LYST: variants seen among roughly 807,000 people sequenced by gnomAD.
LYST encodes lysosomal-trafficking regulator.
A neutral mutation model predicts 413.6 loss-of-function variants in LYST; 192 were observed. That is an observed-to-expected ratio of 0.46 (90% CI 0.41 to 0.52). LYST has a LOEUF of 0.52. LYST is among the 20% of genes least tolerant of loss of function. LYST has a pLI of 0.00. For synonymous variants in LYST, 1,525 were observed against 1,567.3 expected, an observed-to-expected ratio of 0.97 and a Z score of 0.64; for missense variants, 3,815 against 4,499.9, an observed-to-expected ratio of 0.85 and a Z score of 4.35.
At chr1:235,849,109 A>G in intron 1 of LYST, among the ~76,000 whole-genome samples, 1 of 152,188 alleles carries the variant, frequency 6.6e-6, no homozygotes, top group East Asian at 1.9e-4. Flanking sequence ...ACAGATGCTA[A>G]AATCCTTAAC....
chr1:235,671,662 A>G (rs2103024382), intron 50 of LYST, among the ~76,000 whole-genome samples: 1 of 152,322 alleles, frequency 6.6e-6, no homozygotes, highest in South Asian at 2.1e-4. Context: ...CTAAAATGTA[A>G]CTTACTTGGC....
At position 235,809,551 on chromosome 1, in the gene LYST, G is replaced by A. The variant is rs1473462652; in HGVS notation, c.1267C>T (p.Pro423Ser). The change falls in exon 5 of 53, where the codon CCC (proline) becomes TCC (serine). Residue 423 changes from proline (P) to serine (S), a missense_variant. This residue lies in a region of LYST where 1,648 missense variants were observed against 1,810.3 expected (regional missense o/e 0.91). Coordinates refer to ENST00000389793, the MANE Select transcript of LYST (RefSeq NM_000081.4). This position sits in a 1 kb window ranked among gnomAD's most constrained non-coding sequence, Gnocchi z 4.0. ...TCCATGGCTTGACTGAAGTAGAAGG[G>A]ATTTGAAGCTGCACTTTGAAGACAA... is the stretch of plus-strand genomic sequence containing the variant. ...ICCLQSAASN[P>S]FYFSQAMDLV... 1 of 1,613,852 alleles carries A rather than the reference G, an allele frequency of 6.2e-7. No homozygotes were observed. Among genetic ancestry groups the A allele is most frequent in the African/African-American group, 1.3e-5 (1 of 74,866 alleles).
intron 47 of LYST, among the ~76,000 whole-genome samples, chr1:235,692,103 C>T (rs1439779725): frequency 3.4e-5 from 5 of 149,180 alleles, no homozygotes; most frequent in South Asian, 2.3e-4. Flanking sequence ...GAGGCTGAGG[C>T]GGGAGAATCA....
At chr1:235,680,477 G>T (rs1271712821) in intron 48 of LYST, among the ~76,000 whole-genome samples, 1 of 152,034 alleles carries the variant, frequency 6.6e-6, no homozygotes, top group Non-Finnish European at 1.5e-5. Flanking sequence ...GCCCAAGCTG[G>T]TCTCAAACTC....
chr1:235,681,706 TA>T (rs1332761972), intron 48 of LYST, among the ~76,000 whole-genome samples: 1 of 152,190 alleles, frequency 6.6e-6, no homozygotes, highest in Non-Finnish European at 1.5e-5. Context: ...ATGTAGGTTT[TA>T]ATTGTAGGAA....
At chr1:235,879,814 G>A (rs930998619) in intron 1 of LYST, among the ~76,000 whole-genome samples, 1 of 151,426 alleles carries the variant, frequency 6.6e-6, no homozygotes, top group African/African-American at 2.4e-5. Flanking sequence ...TTGGCTCACT[G>A]CAACCTCTGC....
intron 10 of LYST, among the ~76,000 whole-genome samples, chr1:235,795,945 G>A (rs1671510147): frequency 6.6e-6 from 1 of 151,804 alleles, no homozygotes; most frequent in Non-Finnish European, 1.5e-5. Context: ...ATCCTTATAT[G>A]AAAAAGAAAT....
At chr1:235,771,038 A>G (rs1487677419) in intron 19 of LYST, among the ~76,000 whole-genome samples, 4 of 152,214 alleles carry the variant, frequency 2.6e-5, no homozygotes, top group African/African-American at 9.6e-5. Flanking sequence ...CTTGGGTTGC[A>G]GAGCCTATTT....
intron 3 of LYST, chr1:235,827,305 G>T: frequency 2.7e-6 from 1 of 372,452 alleles, no homozygotes; most frequent in Non-Finnish European, 3.7e-6. Flanking sequence ...GGAGGCTGAG[G>T]TTACAGTGAG....
At chr1:235,757,516 C>T (rs1667156234) in intron 23 of LYST, 58 bp from the exon 24 acceptor site, 1 of 1,271,082 alleles carries the variant, frequency 7.9e-7, no homozygotes, top group African/African-American at 1.5e-5. Flanking sequence ...TTGATGATTA[C>T]CTTAGGAACT....
chr1:235,784,082 G>C (rs1670155740), intron 14 of LYST, among the ~76,000 whole-genome samples: 1 of 152,000 alleles, frequency 6.6e-6, no homozygotes, highest in African/African-American at 2.4e-5. Context: ...GATTTTCCAT[G>C]TTGCCCAGGT....
At chr1:235,819,863 G>T (rs889024551) in intron 3 of LYST, among the ~76,000 whole-genome samples, 7 of 152,012 alleles carry the variant, frequency 4.6e-5, no homozygotes, top group Non-Finnish European at 7.4e-5. Flanking sequence ...AGCCAGGATG[G>T]TCTCGATCTC....
intron 3 of LYST, among the ~76,000 whole-genome samples, chr1:235,822,748 G>A (rs1674893795): frequency 6.6e-6 from 1 of 152,214 alleles, no homozygotes; most frequent in South Asian, 2.1e-4. Flanking sequence ...TTAAATCTGA[G>A]CTCAACTTGT....
chr1:235,783,854 C>T (rs1341254148), intron 14 of LYST, among the ~76,000 whole-genome samples: 1 of 150,422 alleles, frequency 6.6e-6, no homozygotes, highest in Non-Finnish European at 1.5e-5. Context: ...AAGGCCTCTT[C>T]AAATGTATTC....
intron 42 of LYST, 102 bp downstream of exon 42, chr1:235,715,099 T>G: frequency 9.6e-7 from 1 of 1,041,800 alleles, no homozygotes. Flanking sequence ...GTAGTTTGAT[T>G]AGTCTTAATA....
At chr1:235,760,139 G>A (rs1667443331) in intron 22 of LYST, among the ~76,000 whole-genome samples, 1 of 152,144 alleles carries the variant, frequency 6.6e-6, no homozygotes, top group South Asian at 2.1e-4. Context: ...TGGAAAGAGT[G>A]TGGGCTTTGC....
chr1:235,879,732 CTTT>C (rs1681294578), intron 1 of LYST, among the ~76,000 whole-genome samples: 2 of 137,708 alleles, frequency 1.5e-5, no homozygotes, highest in African/African-American at 5.6e-5. Flanking sequence ...AACTTCCTTT[CTTT>C]CTTTCTTTTT....
At chr1:235,781,750 G>A (rs1444768661) in intron 15 of LYST, among the ~76,000 whole-genome samples, 177 bp downstream of exon 15, 1 of 151,946 alleles carries the variant, frequency 6.6e-6, no homozygotes, top group African/African-American at 2.4e-5. Flanking sequence ...TTAGAATCTT[G>A]GAAATACAGT....
intron 31 of LYST, chr1:235,738,643 A>AC: frequency 6.2e-7 from 1 of 1,607,812 alleles, no homozygotes; most frequent in Non-Finnish European, 8.5e-7. Context: ...AAGACTCTGC[A>AC]CCCAGATTTA....
Sources: gnomAD v4.1 joint callset for allele counts (sites outside exome capture counted in the v4.1 genomes callset) on GRCh38, gnomAD v4.1.1 for gene constraint, gnomAD v4.1.1 regional missense constraint, Gnocchi (gnomAD v3.1) non-coding constraint, MANE v1.5 for transcripts, NCBI Gene and HGNC (gene_info 2026-07-23, HGNC 2026-07-21) for gene names.